Variants in BCL11A observed in about 807,000 individuals in gnomAD.
The protein encoded by BCL11A is BCL11 transcription factor A.
In BCL11A, 2 loss-of-function variants were observed where a neutral mutation model predicts 55.9. The ratio of observed to expected loss-of-function variants is 0.04; its 90% CI spans 0.01 to 0.11. The LOEUF is 0.11. Ranked by LOEUF, BCL11A falls within the 10% of genes least tolerant of loss-of-function variation. BCL11A has a pLI of 1.00. For missense variants in BCL11A, 817 were observed against 1,137.1 expected (o/e 0.72, Z 4.05); for synonymous variants, 465 against 473.4 (o/e 0.98, Z 0.23).
rs113296120 is a variant in BCL11A, at chr2:60,553,515, G to GGAGA, written c.-249_-246dup. ...AAAAAAAAAAAAAAAAAAAAAAGAG[G>GGAGA]GAGAGAGAGAGAAGAGAGATAGAGG... On this transcript the variant is annotated 5_prime_UTR_variant, in exon 1 of 4. Transcript: ENST00000642384. 112,216 of 115,850 alleles carry GGAGA rather than the reference G, an allele frequency of 0.97. 54,624 individuals carry two copies. Among genetic ancestry groups the GGAGA allele is most frequent in the East Asian group, 0.99 (2,839 of 2,868 alleles). The allele number at this position is 115,850 out of a possible 1,614,324, so 7.2% of individuals were successfully genotyped here. A position where few individuals can be genotyped will look rare whatever the true frequency, so the allele number is the denominator to read the frequency against.
chr2:60,450,829 G>A (rs1159639827), downstream of BCL11A: 2 of 152,364 alleles, frequency 1.3e-5, no homozygotes, highest in African/African-American at 4.8e-5. Context: ...TTGGTAGGAA[G>A]AGGCAACTCT....
intron 2 of BCL11A, among the ~76,000 whole-genome samples, chr2:60,509,927 T>C (rs1026310687): frequency 6.6e-5 from 10 of 152,014 alleles, no homozygotes; most frequent in African/African-American, 1.9e-4. Context: ...AGCAATTCTA[T>C]TCTCCCAGTC....
intron 2 of BCL11A, among the ~76,000 whole-genome samples, chr2:60,495,479 T>G (rs1307202713): frequency 6.6e-6 from 1 of 152,188 alleles, no homozygotes; most frequent in Non-Finnish European, 1.5e-5. Context: ...TACAGATAAC[T>G]CCCAAGTCCT....
chr2:60,456,947 A>T (rs904065377), downstream of BCL11A, among the ~76,000 whole-genome samples: 4 of 152,220 alleles, frequency 2.6e-5, no homozygotes, highest in Non-Finnish European at 4.4e-5. Flanking sequence ...TTAACATCAG[A>T]CTGAAAACAC....
chr2:60,544,508 A>G (rs921219264), intron 2 of BCL11A: 1 of 152,236 alleles, frequency 6.6e-6, no homozygotes, highest in Non-Finnish European at 1.5e-5. Context: ...CCATTTCACT[A>G]AAGGGAAAGT....
At chr2:60,467,992 AATGGTGGTGGTGGTG>A (rs1676941539) in intron 3 of BCL11A, among the ~76,000 whole-genome samples, 1 of 3,348 alleles carries the variant, frequency 3.0e-4, no homozygotes, top group Non-Finnish European at 6.5e-4. Context: ...TGGTGGTGGT[AATGGTGGTGGTGGTG>A]ATGGTGGTGG....
intron 3 of BCL11A, among the ~76,000 whole-genome samples, chr2:60,467,905 A>G (rs930015730): frequency 0.2 from 919 of 4,492 alleles, 70 homozygotes; most frequent in Non-Finnish European, 0.22. Flanking sequence ...TGGTGGTGGT[A>G]ATGGTGGTGG....
chr2:60,544,784 G>A (rs1027932215), intron 2 of BCL11A: 2 of 152,144 alleles, frequency 1.3e-5, no homozygotes, highest in South Asian at 2.1e-4. Context: ...GGAAGAAAGC[G>A]ATCCACCAAC....
Position 60,459,945 on chromosome 2 carries a change from T to C in BCL11A, c.*459A>G, listed in dbSNP as rs2103813068. 1 of 1,063,102 alleles carries C rather than the reference T, an allele frequency of 9.4e-7. No individual in the cohort carries two copies. Among genetic ancestry groups the C allele is most frequent in the East Asian group, 5.2e-5 (1 of 19,410 alleles). 65.9% of individuals were successfully genotyped at this position (1,063,102 alleles called of 1,614,324 possible). On this transcript the variant is annotated 3_prime_UTR_variant, in exon 4 of 4. Coordinates refer to ENST00000642384, the MANE Select transcript of BCL11A (RefSeq NM_022893.4). ...GCAGCATGGTCTTTTTCTCTCTCTC[T>C]CTCTTTTTCTCTCAGAACGGAACTG...
At chr2:60,484,279 A>G (rs903255966) in intron 2 of BCL11A, 5 of 152,262 alleles carry the variant, frequency 3.3e-5, no homozygotes, top group African/African-American at 1.2e-4. Context: ...GCCTGATGAA[A>G]TCTGCACTCA....
chr2:60,470,218 A>G (rs1444611798), intron 2 of BCL11A, among the ~76,000 whole-genome samples: 3 of 152,138 alleles, frequency 2.0e-5, no homozygotes, highest in Admixed American at 6.5e-5. Flanking sequence ...GAGAACATCT[A>G]CAGAGACATT....
At chr2:60,500,626 T>C (rs1411176585) in intron 2 of BCL11A, among the ~76,000 whole-genome samples, 1 of 152,188 alleles carries the variant, frequency 6.6e-6, no homozygotes, top group Non-Finnish European at 1.5e-5. Context: ...GGCTGGTGGC[T>C]GCTACACAGA....
At chr2:60,468,014 G>GTGGTGGTAGTGA (rs1676951700) in intron 3 of BCL11A, among the ~76,000 whole-genome samples, 3 of 21,544 alleles carry the variant, frequency 1.4e-4, no homozygotes, top group African/African-American at 2.9e-4. Flanking sequence ...GGTGATGGTG[G>GTGGTGGTAGTGA]TGGTGGTGGT....
chr2:60,525,391 T>C (rs1403555755), intron 2 of BCL11A: 2 of 152,252 alleles, frequency 1.3e-5, no homozygotes, highest in Admixed American at 1.3e-4. Flanking sequence ...TCCATTATAC[T>C]GCACTTCAAT....
chr2:60,467,195 G>GTGGTGGTGGTGGTGATGGTAC (rs1676719381), intron 3 of BCL11A, among the ~76,000 whole-genome samples: 1 of 137,546 alleles, frequency 7.3e-6, no homozygotes, highest in Non-Finnish European at 1.6e-5. Flanking sequence ...GGTGATGGTG[G>GTGGTGGTGGTGGTGATGGTAC]TGGTGATGGC....
At chr2:60,513,538 G>A (rs181889790) in intron 2 of BCL11A, among the ~76,000 whole-genome samples, 7 of 152,298 alleles carry the variant, frequency 4.6e-5, no homozygotes, top group Admixed American at 3.3e-4. Flanking sequence ...TCTTTGTGGA[G>A]CAAATCTTCA....
chr2:60,516,720 A>T (rs1047979799), intron 2 of BCL11A, among the ~76,000 whole-genome samples: 1 of 152,240 alleles, frequency 6.6e-6, no homozygotes, highest in African/African-American at 2.4e-5. Context: ...TAGCATTCCT[A>T]GTGGACACCA....
At position 60,494,510 on chromosome 2, in the gene BCL11A, G is replaced by A. The variant is rs1250472893; in HGVS notation, c.386-25677C>T. Among the ~76,000 whole-genome samples the A allele has an allele frequency of 3.9e-5, 6 of 152,316 alleles. No individual in the cohort carries two copies. The East Asian group carries it at 5.8e-4, about 15-fold the overall frequency. ...AGTGAGATGAGATATCAAAGGGGAC[G>A]AAAAGTGTTCATTCCATCTCCCTAA... On this transcript the variant is annotated intron_variant, in intron 2 of 3. Coordinates refer to ENST00000642384, the MANE Select transcript of BCL11A (RefSeq NM_022893.4).
chr2:60,540,249 G>C (rs1013926662), intron 2 of BCL11A, among the ~76,000 whole-genome samples: 6 of 152,120 alleles, frequency 3.9e-5, no homozygotes, highest in Admixed American at 6.5e-5. Context: ...TGCTAAAAAA[G>C]TGGCAAGGTG....
Sources: allele counts gnomAD v4.1 joint callset (sites outside exome capture counted in the v4.1 genomes callset), GRCh38; gene constraint gnomAD v4.1.1; transcripts MANE v1.5; gene names NCBI Gene and HGNC (gene_info 2026-07-23, HGNC 2026-07-21).